Variants in SIK3 observed in about 807,000 individuals in gnomAD.
The protein encoded by SIK3 is SIK family kinase 3.
In SIK3, 28 loss-of-function variants were observed where a neutral mutation model predicts 144.2. The observed-to-expected ratio is 0.19, with a 90% CI of 0.14 to 0.27. The LOEUF is 0.27. Among genes scored for constraint, SIK3 ranks in the 10% least tolerant of loss-of-function variants. SIK3 has a pLI of 1.00. For synonymous variants in SIK3, 686 were observed against 676.3 expected (o/e 1.01, Z -0.22); for missense variants, 1,319 against 1,776.0 (o/e 0.74, Z 4.62).
chr11:116,892,914 T>C (rs1328416578), intron 6 of SIK3, among the ~76,000 whole-genome samples: 3 of 152,180 alleles, frequency 2.0e-5, no homozygotes, highest in East Asian at 3.8e-4. Flanking sequence ...TGAAGAGACA[T>C]GGAGGAACCT....
chr11:116,920,181 A>G (rs1481509459), intron 4 of SIK3, among the ~76,000 whole-genome samples: 1 of 141,822 alleles, frequency 7.1e-6, no homozygotes, highest in African/African-American at 2.7e-5. Context: ...TTTCAAATAG[A>G]CCTTGTGCAT....
chr11:117,055,921 T>C (rs931116822), intron 1 of SIK3, among the ~76,000 whole-genome samples: 1 of 152,208 alleles, frequency 6.6e-6, no homozygotes, highest in African/African-American at 2.4e-5. Context: ...TCCCCATCAA[T>C]GAACCTGCCA....
At chr11:116,927,932 C>T (rs1947368085) in intron 3 of SIK3, among the ~76,000 whole-genome samples, 2 of 152,196 alleles carry the variant, frequency 1.3e-5, no homozygotes, top group South Asian at 2.1e-4. Context: ...CACACTTACT[C>T]GGTAACTGTT....
At position 116,949,426 on chromosome 11, in the gene SIK3, G is replaced by A. The variant is rs116037063; in HGVS notation, c.454+4618C>T. ...TGATTGCCCTTTTGTTTTGAATAATGCCCTGGGGCACAAATTGGTCTACAA... is the reference window on the plus strand; with the variant it reads ...TGATTGCCCTTTTGTTTTGAATAATACCCTGGGGCACAAATTGGTCTACAA... On this transcript the variant is annotated intron_variant, in intron 3 of 24. Coordinates refer to ENST00000445177, the MANE Select transcript of SIK3 (RefSeq NM_001366686.3). Among the ~76,000 whole-genome samples, 1,159 of 152,314 alleles carry A rather than the reference G, an allele frequency of 7.6e-3. 13 individuals carry two copies. The highest frequency in any genetic ancestry group is 0.027 in the African/African-American group (1,115 of 41,564).
chr11:117,035,713 C>T, intron 1 of SIK3: 1 of 954,084 alleles, frequency 1.0e-6, no homozygotes, highest in South Asian at 1.4e-5. Context: ...TGCCACCATG[C>T]CCGGCTAATT....
intron 1 of SIK3, among the ~76,000 whole-genome samples, chr11:116,997,394 T>C (rs1401022467): frequency 6.6e-6 from 1 of 152,258 alleles, no homozygotes; most frequent in African/African-American, 2.4e-5. Flanking sequence ...AATCATTCAT[T>C]CAACAAATAT....
chr11:117,087,197 T>TG (rs1268542016), intron 1 of SIK3, among the ~76,000 whole-genome samples: 1 of 151,938 alleles, frequency 6.6e-6, no homozygotes, highest in Non-Finnish European at 1.5e-5. Flanking sequence ...ACCACCACTC[T>TG]GAGAGGCTGG....
chr11:117,084,703 C>T (rs765107956), intron 1 of SIK3, among the ~76,000 whole-genome samples: 5 of 152,048 alleles, frequency 3.3e-5, no homozygotes, highest in East Asian at 3.8e-4. Context: ...TAAGGAGATA[C>T]GTTTCTATGA....
chr11:116,967,005 AAAAAAAAAAG>A (rs1949575871), intron 1 of SIK3, among the ~76,000 whole-genome samples: 2 of 146,984 alleles, frequency 1.4e-5, no homozygotes. Flanking sequence ...CTCTGTTTCA[AAAAAAAAAAG>A]AAAAAGAAAA....
chr11:117,067,152 A>G (rs1159783562), intron 1 of SIK3, among the ~76,000 whole-genome samples: 1 of 152,190 alleles, frequency 6.6e-6, no homozygotes, highest in African/African-American at 2.4e-5. Context: ...CCTACCAACC[A>G]TATGACCCAG....
intron 4 of SIK3, among the ~76,000 whole-genome samples, chr11:116,923,655 G>A (rs552918077): frequency 1.3e-5 from 2 of 152,312 alleles, no homozygotes; most frequent in South Asian, 2.1e-4. Context: ...CGCAAAACTA[G>A]AGGTGCTCAT....
chr11:116,869,962 C>T, intron 14 of SIK3: 1 of 529,366 alleles, frequency 1.9e-6, no homozygotes, highest in Non-Finnish European at 3.0e-6. Flanking sequence ...GGATCACTGT[C>T]ATCCCACATC....
At chr11:116,845,942 C>G (rs1941905039) in intron 24 of SIK3, among the ~76,000 whole-genome samples, 1 of 152,218 alleles carries the variant, frequency 6.6e-6, no homozygotes, top group African/African-American at 2.4e-5. Context: ...GAATATCCTG[C>G]CACTTGCTTC....
At chr11:116,856,633 G>C (rs1942948381) in intron 21 of SIK3, among the ~76,000 whole-genome samples, 1 of 152,184 alleles carries the variant, frequency 6.6e-6, no homozygotes, top group Non-Finnish European at 1.5e-5. Flanking sequence ...TCTCACTGGA[G>C]CCAATCTCTC....
At chr11:116,981,290 G>A (rs1335765630) in intron 1 of SIK3, among the ~76,000 whole-genome samples, 2 of 152,206 alleles carry the variant, frequency 1.3e-5, no homozygotes, top group African/African-American at 4.8e-5. Flanking sequence ...AGTCAGTACT[G>A]ACCATCAGCT....
chr11:116,978,734 C>T (rs901224665), intron 1 of SIK3, among the ~76,000 whole-genome samples: 1 of 151,662 alleles, frequency 6.6e-6, no homozygotes, highest in African/African-American at 2.4e-5. Context: ...TCTTGAACTC[C>T]TGGGCTCAAG....
Position 116,875,214 on chromosome 11 carries a change from T to C in SIK3, c.1371A>G (p.Glu457=). 6.2e-7 allele frequency: 1 copy of C among 1,614,172 alleles called. No individual in the cohort carries two copies. ...TCATTGACAAATAGCGCACCAATGC[T>C]TCAGGGGAAGGCTCTTCACCCTCAT... The part of the protein sequence containing the change: ...DSDEGEEPSP[E]ALVRYLSMRR... Residue 457 remains glutamate (E), a synonymous_variant, in exon 11 of 25, where the codon GAA becomes GAG. Coordinates refer to ENST00000445177, the MANE Select transcript of SIK3 (RefSeq NM_001366686.3).
At chr11:116,983,696 G>A (rs1159039787) in intron 1 of SIK3, among the ~76,000 whole-genome samples, 1 of 152,182 alleles carries the variant, frequency 6.6e-6, no homozygotes, top group African/African-American at 2.4e-5. Context: ...CTTCTGCCCC[G>A]ATACTTCACA....
At chr11:116,908,664 A>G (rs1222899747) in intron 4 of SIK3, among the ~76,000 whole-genome samples, 2 of 152,228 alleles carry the variant, frequency 1.3e-5, no homozygotes, top group African/African-American at 2.4e-5. Context: ...GAGACACAAA[A>G]AGAAGCTCAA....
Sources: gnomAD v4.1 joint callset for allele counts (sites outside exome capture counted in the v4.1 genomes callset) on GRCh38, gnomAD v4.1.1 for gene constraint, MANE v1.5 for transcripts, NCBI Gene and HGNC (gene_info 2026-07-23, HGNC 2026-07-21) for gene names.